Variants in TBC1D5 observed in about 807,000 individuals in gnomAD.
The protein encoded by TBC1D5 is TBC1 domain family, member 5.
In TBC1D5, 75 loss-of-function variants were observed where a neutral mutation model predicts 100.3. The ratio of observed to expected loss-of-function variants is 0.75; its 90% CI spans 0.62 to 0.91. The LOEUF is 0.91. Among genes scored for constraint, TBC1D5 ranks in the 40% least tolerant of loss-of-function variants. The probability of loss-of-function intolerance (pLI) is 0.00; values close to 1 mark genes in which losing one functional copy is unlikely to be tolerated. For missense variants in TBC1D5, 910 were observed against 942.4 expected, an observed-to-expected ratio of 0.97 and a Z score of 0.45; for synonymous variants, 323 against 325.6, an observed-to-expected ratio of 0.99 and a Z score of 0.09.
intron 8 of TBC1D5, among the ~76,000 whole-genome samples, chr3:17,385,037 C>G (rs913785242): frequency 1.3e-5 from 2 of 151,912 alleles, no homozygotes; most frequent in African/African-American, 4.8e-5. Context: ...AGTCCCAAAC[C>G]CAAGTAGAAA....
chr3:17,572,752 G>A (rs79036362), intron 2 of TBC1D5, among the ~76,000 whole-genome samples: 864 of 152,106 alleles, frequency 5.7e-3, no homozygotes, highest in African/African-American at 0.012. Context: ...TCACACTGTC[G>A]TGTTGTTGTC....
intron 17 of TBC1D5, among the ~76,000 whole-genome samples, chr3:17,236,901 A>T (rs2075902213): frequency 6.6e-6 from 1 of 152,240 alleles, no homozygotes; most frequent in African/African-American, 2.4e-5. Flanking sequence ...TAACCAATAG[A>T]GGAATACAGA....
intron 18 of TBC1D5, among the ~76,000 whole-genome samples, chr3:17,205,797 CTG>C (rs2072094494): frequency 6.6e-6 from 1 of 152,110 alleles, no homozygotes; most frequent in South Asian, 2.1e-4. Flanking sequence ...ATATAATTGG[CTG>C]TGTCAGCCCG....
intron 1 of TBC1D5, among the ~76,000 whole-genome samples, chr3:17,712,725 G>A (rs971491232): frequency 6.6e-6 from 1 of 152,104 alleles, no homozygotes; most frequent in Non-Finnish European, 1.5e-5. Flanking sequence ...AACCAAGAAA[G>A]CATCTAGAAC....
rs558938160 is a variant in TBC1D5 at position 17,316,930 on chromosome 3, T to C, written c.996-8796A>G. Among the ~76,000 whole-genome samples the C allele has an allele frequency of 2.6e-5, 4 of 152,328 alleles. No homozygotes were observed. In the East Asian group the frequency reaches 5.8e-4, roughly 22 times the overall value. On this transcript the variant is annotated intron_variant, in intron 13 of 21. Coordinates refer to ENST00000253692, the Ensembl canonical transcript of TBC1D5. Reference sequence around the variant, plus strand: ...AAGTATTTCCTAAACTTCAACAGTGTGGCAGGTACTGTGCTAGGCCATAGA... The same window carrying C: ...AAGTATTTCCTAAACTTCAACAGTGCGGCAGGTACTGTGCTAGGCCATAGA...
intron 15 of TBC1D5, among the ~76,000 whole-genome samples, chr3:17,273,520 T>C (rs1295830113): frequency 6.6e-6 from 1 of 152,154 alleles, no homozygotes; most frequent in Admixed American, 6.5e-5. Flanking sequence ...TTATCCAACC[T>C]TATTCTTACA....
At chr3:17,662,389 G>A (rs532292570) in intron 1 of TBC1D5, among the ~76,000 whole-genome samples, 2 of 152,304 alleles carry the variant, frequency 1.3e-5, no homozygotes, top group African/African-American at 4.8e-5. Context: ...GAGGTTACCT[G>A]GAAAGCCTTT....
At chr3:17,310,055 G>A (rs572430231) in intron 13 of TBC1D5, among the ~76,000 whole-genome samples, 1 of 152,126 alleles carries the variant, frequency 6.6e-6, no homozygotes, top group Admixed American at 6.5e-5. Context: ...TCACATCTTA[G>A]ATTTCATCAC....
chr3:17,698,084 A>T lies in TBC1D5; in HGVS notation c.-101+41259T>A, dbSNP rs201629087. Among the ~76,000 whole-genome samples, 977 of 152,168 alleles carry T rather than the reference A, an allele frequency of 6.4e-3. 26 individuals are homozygous for T. In the East Asian group the frequency reaches 0.11, roughly 17 times the overall value. Reference sequence around the variant, plus strand: ...AACCAAAAAAGAGCCCACATTGCCAAGTCAATCCTAAGCCAAAAGAACAAA... The same window carrying T: ...AACCAAAAAAGAGCCCACATTGCCATGTCAATCCTAAGCCAAAAGAACAAA... On this transcript the variant is annotated intron_variant, in intron 1 of 21. Coordinates refer to ENST00000253692, the Ensembl canonical transcript of TBC1D5.
chr3:17,312,477 A>G, intron 13 of TBC1D5, among the ~76,000 whole-genome samples: 1 of 152,316 alleles, frequency 6.6e-6, no homozygotes, highest in Non-Finnish European at 1.5e-5. Flanking sequence ...GAAACTTTGA[A>G]TTACTGTGTC....
chr3:17,234,482 A>G (rs920124492), intron 17 of TBC1D5, among the ~76,000 whole-genome samples: 2 of 151,944 alleles, frequency 1.3e-5, no homozygotes, highest in African/African-American at 4.8e-5. Flanking sequence ...GAAAAGGAGC[A>G]TAACAGGAAA....
intron 13 of TBC1D5, among the ~76,000 whole-genome samples, chr3:17,310,749 C>G (rs2083932057): frequency 6.6e-6 from 1 of 151,894 alleles, no homozygotes; most frequent in Admixed American, 6.6e-5. Flanking sequence ...TAGCATGTTT[C>G]TTTTATATAA....
chr3:17,457,831 G>A (rs1033967249), intron 3 of TBC1D5, among the ~76,000 whole-genome samples: 1 of 151,922 alleles, frequency 6.6e-6, no homozygotes, highest in Non-Finnish European at 1.5e-5. Context: ...GTTTCCTTCT[G>A]CTAAAACTTT....
intron 3 of TBC1D5, among the ~76,000 whole-genome samples, chr3:17,455,036 C>T (rs892756789): frequency 6.6e-6 from 1 of 151,318 alleles, no homozygotes; most frequent in Non-Finnish European, 1.5e-5. Context: ...TCTGCAGATT[C>T]AATGCATTCG....
intron 1 of TBC1D5, among the ~76,000 whole-genome samples, chr3:17,647,651 G>C (rs1018591108): frequency 6.6e-6 from 1 of 152,158 alleles, no homozygotes; most frequent in African/African-American, 2.4e-5. Flanking sequence ...GCAGTAGGGG[G>C]AAGGAGCAGA....
chr3:17,238,005 C>A (rs1218607995), intron 17 of TBC1D5, among the ~76,000 whole-genome samples, 158 bp downstream of exon 17: 2 of 151,924 alleles, frequency 1.3e-5, no homozygotes, highest in South Asian at 2.1e-4. Context: ...ATTCTTAAGA[C>A]CAACACGGTA....
intron 7 of TBC1D5, among the ~76,000 whole-genome samples, chr3:17,403,790 T>C (rs1355193916): frequency 6.6e-6 from 1 of 152,110 alleles, no homozygotes; most frequent in Non-Finnish European, 1.5e-5. Flanking sequence ...AATGAGAAAC[T>C]AGTATATATT....
At chr3:17,713,227 T>C (rs2074916689) in intron 1 of TBC1D5, among the ~76,000 whole-genome samples, 1 of 151,814 alleles carries the variant, frequency 6.6e-6, no homozygotes, top group Non-Finnish European at 1.5e-5. Flanking sequence ...TAAATTATTG[T>C]GTTTTTCTTT....
chr3:17,473,755 G>A (rs1391617640), intron 3 of TBC1D5, among the ~76,000 whole-genome samples: 2 of 152,140 alleles, frequency 1.3e-5, no homozygotes, highest in Non-Finnish European at 2.9e-5. Context: ...ATTTACTGAA[G>A]TGTTTTTTAA....
Sources: gnomAD v4.1 joint callset for allele counts (sites outside exome capture counted in the v4.1 genomes callset) on GRCh38, gnomAD v4.1.1 for gene constraint, MANE v1.5 for transcripts, NCBI Gene and HGNC (gene_info 2026-07-23, HGNC 2026-07-21) for gene names.